Variants in DLGAP2 observed in about 807,000 individuals in gnomAD.
DLGAP2 encodes the protein DLG associated protein 2, also known as disks large-associated protein 2.
A neutral mutation model predicts 100.3 loss-of-function variants in DLGAP2; 26 were observed. The ratio of observed to expected loss-of-function variants is 0.26; its 90% confidence interval spans 0.19 to 0.36. DLGAP2 has a LOEUF of 0.36. DLGAP2 is among the 10% of genes least tolerant of loss of function. The pLI is 1.00. For synonymous variants in DLGAP2, 886 were observed against 630.1 expected, an observed-to-expected ratio of 1.41 and a Z score of -6.08; for missense variants, 1,858 against 1,453.2, an observed-to-expected ratio of 1.28 and a Z score of -4.53.
At position 1,697,291 on chromosome 8, in the gene DLGAP2, G is replaced by A. The variant is rs751403159; in HGVS notation, c.2941G>A (p.Glu981Lys). The A allele has an allele frequency of 1.2e-6, 2 of 1,604,710 alleles. No homozygotes were observed. The highest frequency in any genetic ancestry group is 1.7e-5 in the Admixed American group (1 of 58,910). The change falls in exon 14 of 15, where the codon GAA (glutamate) becomes AAA (lysine). Residue 981 changes from glutamate (E) to lysine (K), a missense_variant. Coordinates refer to ENST00000637795, the MANE Select transcript of DLGAP2 (RefSeq NM_001346810.2). ...LNDWKMMESP[E>K]RKEERKVPPP... is the part of the protein sequence containing the mutation. The stretch of plus-strand genomic sequence containing the variant: ...CGACTGGAAGATGATGGAGTCCCCG[G>A]AAAGAAAGGTAAGGGCATCCATGCA...
intron 1 of DLGAP2, among the ~76,000 whole-genome samples, chr8:778,696 C>G (rs1485204793): frequency 2.6e-4 from 39 of 152,210 alleles, no homozygotes; most frequent in Admixed American, 2.3e-3. Context: ...CAGTCTGCCC[C>G]TTCTCAGATC....
At chr8:999,912 A>G (rs1800896690) in intron 2 of DLGAP2, among the ~76,000 whole-genome samples, 1 of 151,180 alleles carries the variant, frequency 6.6e-6, no homozygotes, top group Admixed American at 6.6e-5. Flanking sequence ...TAGAGCAGAC[A>G]GATCCGGGTG....
intron 2 of DLGAP2, among the ~76,000 whole-genome samples, chr8:984,175 G>C (rs1800421956): frequency 6.6e-6 from 1 of 152,154 alleles, no homozygotes; most frequent in Non-Finnish European, 1.5e-5. Context: ...CTTGAATTGA[G>C]ACTTAAACGT....
At chr8:1,548,479 A>G (rs1029907919) in intron 4 of DLGAP2, 147 bp from the exon 5 acceptor site, 9 of 574,044 alleles carry the variant, frequency 1.6e-5, no homozygotes, top group Admixed American at 1.2e-4. Flanking sequence ...AAAAAAAAAA[A>G]AAAAACCCAC....
At chr8:1,103,172 G>A (rs1230012840) in intron 2 of DLGAP2, among the ~76,000 whole-genome samples, 2 of 152,168 alleles carry the variant, frequency 1.3e-5, no homozygotes, top group Admixed American at 6.5e-5. Context: ...GTGGCCGTGA[G>A]TCCCGGTGGC....
intron 3 of DLGAP2, among the ~76,000 whole-genome samples, chr8:1,433,243 G>A (rs1286900145): frequency 1.3e-5 from 2 of 152,308 alleles, no homozygotes; most frequent in African/African-American, 2.4e-5. Flanking sequence ...GATGCTTCCT[G>A]TGCCTCTGGC....
intron 2 of DLGAP2, among the ~76,000 whole-genome samples, chr8:1,152,553 G>A (rs1563218158): frequency 1.3e-5 from 2 of 152,156 alleles, no homozygotes; most frequent in African/African-American, 4.8e-5. Flanking sequence ...CTTAAAAAGT[G>A]CAAAGCAGTG....
At chr8:773,975 G>C (rs1387269001) in intron 1 of DLGAP2, among the ~76,000 whole-genome samples, 1 of 152,204 alleles carries the variant, frequency 6.6e-6, no homozygotes, top group Admixed American at 6.5e-5. Flanking sequence ...CAGTGTAAAA[G>C]TGTTCCTATT....
rs77226321 is a variant in DLGAP2, at chr8:1,587,211, G to A, written c.1442+21317G>A. 2.4e-3 allele frequency among the ~76,000 whole-genome samples: 370 copies of A among 152,274 alleles called. 10 individuals are homozygous for A. In the East Asian group the frequency reaches 0.059, roughly 24 times the overall value. ...GTCTCTTTGCAGAAATCCATTGCCC[G>A]TTCATCTATAGGAACTATTTAATTT... On this transcript the variant is annotated intron_variant, in intron 6 of 14. Transcript: ENST00000637795.
intron 2 of DLGAP2, among the ~76,000 whole-genome samples, chr8:1,169,257 C>A (rs1001746848): frequency 6.6e-6 from 1 of 152,174 alleles, no homozygotes; most frequent in African/African-American, 2.4e-5. Context: ...GTTTTGGTAC[C>A]AGTACCATGC....
In DLGAP2 at chr8:1,287,471, CGTGTGTGT is replaced by C. The variant is rs764935176; in HGVS notation, c.106+28606_106+28613del. 7.3e-4 allele frequency among the ~76,000 whole-genome samples: 17 copies of C among 23,328 alleles called. 1 individual carries two copies. The allele number at this position is 23,328 out of a possible 152,430, so 15.3% of individuals were successfully genotyped here. A position where few individuals can be genotyped will look rare whatever the true frequency, so the allele number is the denominator to read the frequency against. On this transcript the variant is annotated intron_variant, in intron 3 of 14. Coordinates refer to ENST00000637795, the MANE Select transcript of DLGAP2 (RefSeq NM_001346810.2). Reference sequence around the variant, plus strand: ...AGGAGGGGAACTAGTTTCGGTTCAGCGTGTGTGTGTGTGTGTGTGTGTGTGGTTCTGTT... The same window carrying C: ...AGGAGGGGAACTAGTTTCGGTTCAGCGTGTGTGTGTGTGTGTGGTTCTGTT...
intron 2 of DLGAP2, among the ~76,000 whole-genome samples, chr8:1,249,858 A>G (rs527812200): frequency 8.5e-5 from 13 of 152,128 alleles, no homozygotes; most frequent in Non-Finnish European, 1.8e-4. Flanking sequence ...GTTTTTCCTT[A>G]GAGATTTTAA....
At chr8:1,427,758 A>G (rs1337903089) in intron 3 of DLGAP2, among the ~76,000 whole-genome samples, 1 of 152,168 alleles carries the variant, frequency 6.6e-6, no homozygotes, top group East Asian at 1.9e-4. Context: ...ATCTCCCACC[A>G]TGATTGTGAG....
intron 6 of DLGAP2, among the ~76,000 whole-genome samples, chr8:1,601,638 G>A (rs1796627769): frequency 6.6e-6 from 1 of 152,148 alleles, no homozygotes; most frequent in South Asian, 2.1e-4. Flanking sequence ...CGTGACAGAT[G>A]TTTGTCACAT....
intron 2 of DLGAP2, among the ~76,000 whole-genome samples, chr8:1,092,894 G>A (rs1056661102): frequency 6.6e-6 from 1 of 152,214 alleles, no homozygotes; most frequent in South Asian, 2.1e-4. Flanking sequence ...CACTTACACT[G>A]TGTGGTGTGG....
intron 2 of DLGAP2, among the ~76,000 whole-genome samples, chr8:1,256,165 G>GCCC: frequency 7.7e-6 from 1 of 129,402 alleles, no homozygotes; most frequent in African/African-American, 3.0e-5. Flanking sequence ...CTGTGTGTGT[G>GCCC]TCCTCTCATC....
chr8:1,567,862 C>G (rs1802465116), intron 6 of DLGAP2, among the ~76,000 whole-genome samples: 1 of 152,244 alleles, frequency 6.6e-6, no homozygotes. Context: ...GGGAAACCCT[C>G]TGGGAGTTCA....
rs545617979 is a variant in DLGAP2, at chr8:1,707,182, C to T, written c.*5776C>T. 1.3e-5 allele frequency: 2 copies of T among 152,712 alleles called. No homozygotes were observed. Among genetic ancestry groups the T allele is most frequent in the East Asian group, 1.9e-4 (1 of 5,176 alleles). The allele number at this position is 152,712 out of a possible 1,614,324, so 9.5% of individuals were successfully genotyped here. On this transcript the variant is annotated 3_prime_UTR_variant, in exon 15 of 15. Coordinates refer to ENST00000637795, the MANE Select transcript of DLGAP2 (RefSeq NM_001346810.2). ...CTTTTCATTGGTGCTTATTCAGAAC[C>T]TGAAAGCCTTGGGCATCCAAGCTTT...
intron 2 of DLGAP2, among the ~76,000 whole-genome samples, chr8:982,883 AT>A (rs35686773): frequency 0.18 from 20,898 of 117,190 alleles, 1,647 homozygotes; most frequent in Non-Finnish European, 0.22. Flanking sequence ...TAAAGGTAGG[AT>A]TTTTTTTTTT....
Sources: gnomAD v4.1 joint callset for allele counts (sites outside exome capture counted in the v4.1 genomes callset) on GRCh38, gnomAD v4.1.1 for gene constraint, MANE v1.5 for transcripts, NCBI Gene and HGNC (gene_info 2026-07-23, HGNC 2026-07-21) for gene names.